LRP1B: variants seen among roughly 807,000 people sequenced by gnomAD.
LRP1B encodes low-density lipoprotein receptor-related protein 1B.
In LRP1B, 217 loss-of-function variants were observed where a neutral mutation model predicts 556.6. The ratio of observed to expected loss-of-function variants is 0.39; its 90% CI spans 0.35 to 0.44. LRP1B has a LOEUF of 0.44. LRP1B is among the 20% of genes least tolerant of loss of function. The pLI is 1.00. For missense variants in LRP1B, 5,053 were observed against 5,620.8 expected (o/e 0.90, Z 3.23); for synonymous variants, 2,047 against 1,865.8 (o/e 1.10, Z -2.50).
chr2:140,938,569 G>A (rs1695299250), intron 20 of LRP1B, among the ~76,000 whole-genome samples: 1 of 151,936 alleles, frequency 6.6e-6, no homozygotes, highest in Admixed American at 6.6e-5. Flanking sequence ...AGAAAGTTAG[G>A]GGAAAAAGGA....
At chr2:141,230,924 C>T (rs766184647) in intron 5 of LRP1B, among the ~76,000 whole-genome samples, 9 of 152,126 alleles carry the variant, frequency 5.9e-5, no homozygotes, top group Non-Finnish European at 1.2e-4. Context: ...TGATTATTTA[C>T]TTCTATCTCT....
intron 2 of LRP1B, among the ~76,000 whole-genome samples, chr2:141,510,217 CACACACACACACACA>C (rs1684073951): frequency 6.6e-6 from 1 of 150,710 alleles, no homozygotes; most frequent in African/African-American, 2.4e-5. Flanking sequence ...CACACACACA[CACACACACACACACA>C]CACCCCCCAC....
In LRP1B at chr2:142,049,131, G is replaced by T. The variant is rs375508485; in HGVS notation, c.82+81517C>A. On this transcript the variant is annotated intron_variant, in intron 1 of 90. Transcript: ENST00000389484. ...AAAGAAAGTTGATTACTAAAAAAAG[G>T]CCCCTTTTTTTCTAACAAAAAGTGT... 8.6e-5 allele frequency among the ~76,000 whole-genome samples: 13 copies of T among 152,000 alleles called. No homozygotes were observed. The South Asian group carries it at 2.5e-3, about 29-fold the overall frequency.
chr2:141,790,630 A>G lies in LRP1B; in HGVS notation c.205+19649T>C, dbSNP rs538115094. Reference sequence around the variant, plus strand: ...TGGAAGTTGAGTCTCCAGCAGCACCATCCTACATTCTCCCTCATTAACTGC... The same window carrying G: ...TGGAAGTTGAGTCTCCAGCAGCACCGTCCTACATTCTCCCTCATTAACTGC... On this transcript the variant is annotated intron_variant, in intron 2 of 90. Coordinates refer to ENST00000389484, the MANE Select transcript of LRP1B (RefSeq NM_018557.3). 7.2e-5 allele frequency among the ~76,000 whole-genome samples: 11 copies of G among 151,922 alleles called. No individual in the cohort carries two copies. The South Asian group carries it at 2.1e-3, about 29-fold the overall frequency.
chr2:141,513,456 A>G (rs1401840552), intron 2 of LRP1B, among the ~76,000 whole-genome samples: 2 of 152,114 alleles, frequency 1.3e-5, no homozygotes, highest in Non-Finnish European at 2.9e-5. Flanking sequence ...TAAGATTTAT[A>G]TTCATAGTAA....
At chr2:140,959,831 C>A (rs1695980725) in intron 18 of LRP1B, among the ~76,000 whole-genome samples, 9 of 151,494 alleles carry the variant, frequency 5.9e-5, no homozygotes. Flanking sequence ...ACAGAAATTT[C>A]AAAAATGCAT....
intron 3 of LRP1B, among the ~76,000 whole-genome samples, chr2:141,418,541 G>A (rs114186327): frequency 0.054 from 8,154 of 151,344 alleles, 290 homozygotes; most frequent in South Asian, 0.14. Flanking sequence ...GATCATTTGA[G>A]TATGTGTGGG....
Position 140,534,010 on chromosome 2 carries a change from C to T in LRP1B, c.7762+11G>A, listed in dbSNP as rs2104994186. 3.1e-6 allele frequency: 5 copies of T among 1,612,372 alleles called. No homozygotes were observed. Among genetic ancestry groups the T allele is most frequent in the Non-Finnish European group, 4.2e-6 (5 of 1,179,252 alleles). On this transcript the variant is annotated intron_variant, in intron 47 of 90. Coordinates refer to ENST00000389484, the MANE Select transcript of LRP1B (RefSeq NM_018557.3). ...CACCAATATTCTGAGATTGATGGAA[C>T]AAGTATTTACCTTTACAATCTAATT...
chr2:141,080,847 G>A (rs1028116092), intron 7 of LRP1B, among the ~76,000 whole-genome samples: 1 of 152,142 alleles, frequency 6.6e-6, no homozygotes, highest in African/African-American at 2.4e-5. Flanking sequence ...TTAAACTGCA[G>A]ACCATTGTTA....
chr2:141,129,506 A>G (rs1288221404), intron 7 of LRP1B, among the ~76,000 whole-genome samples: 1 of 151,636 alleles, frequency 6.6e-6, no homozygotes, highest in African/African-American at 2.4e-5. Context: ...TTATACTGCA[A>G]GCATTCATAT....
chr2:142,119,322 G>T (rs956762833), intron 1 of LRP1B, among the ~76,000 whole-genome samples: 4 of 152,144 alleles, frequency 2.6e-5, no homozygotes, highest in Admixed American at 6.6e-5. Context: ...CCACAATGCT[G>T]CAGGTCCAGC....
intron 3 of LRP1B, among the ~76,000 whole-genome samples, chr2:141,265,996 T>C (rs1222538400): frequency 1.3e-5 from 2 of 152,134 alleles, no homozygotes; most frequent in Non-Finnish European, 2.9e-5. Context: ...TGAGTGGAAG[T>C]GATATGCATA....
At chr2:141,912,963 T>TAAGCAA (rs1341119125) in intron 1 of LRP1B, among the ~76,000 whole-genome samples, 1 of 152,174 alleles carries the variant, frequency 6.6e-6, no homozygotes, top group Non-Finnish European at 1.5e-5. Context: ...TCCTGTGTCA[T>TAAGCAA]GGAGAACTTG....
chr2:140,776,609 C>T (rs1365251381), intron 32 of LRP1B, among the ~76,000 whole-genome samples: 3 of 151,716 alleles, frequency 2.0e-5, no homozygotes, highest in South Asian at 2.1e-4. Context: ...TAGTTTTGTA[C>T]GATACGTATT....
chr2:140,689,787 G>C (rs1012988303), intron 41 of LRP1B, among the ~76,000 whole-genome samples: 1 of 152,058 alleles, frequency 6.6e-6, no homozygotes, highest in Admixed American at 6.5e-5. Context: ...CAGGTTTCTA[G>C]TAAAGTTCAA....
At chr2:142,007,426 T>C (rs1372842817) in intron 1 of LRP1B, among the ~76,000 whole-genome samples, 7 of 152,172 alleles carry the variant, frequency 4.6e-5, no homozygotes, top group Non-Finnish European at 7.4e-5. Context: ...TGAGCATTTG[T>C]ATAGGTATAC....
At chr2:142,054,778 A>G (rs1442898713) in intron 1 of LRP1B, among the ~76,000 whole-genome samples, 1 of 152,154 alleles carries the variant, frequency 6.6e-6, no homozygotes. Context: ...CTGAATTAGT[A>G]TGCAGCCCCT....
chr2:140,652,006 T>G (rs894169199), intron 41 of LRP1B, among the ~76,000 whole-genome samples: 42 of 152,042 alleles, frequency 2.8e-4, no homozygotes, highest in African/African-American at 9.7e-4. Context: ...ATTAGAAAAT[T>G]GCCTGATATT....
Position 140,278,168 on chromosome 2 carries a change from G to C in LRP1B, c.12968-3570C>G, listed in dbSNP as rs537357794. ...TTATATAAGGTTCAAAAGTTAAGTT[G>C]AATCTATGGTTTTAGAAGTCAAGAA... is the stretch of plus-strand genomic sequence containing the variant. On this transcript the variant is annotated intron_variant, in intron 84 of 90. Coordinates refer to ENST00000389484, the MANE Select transcript of LRP1B (RefSeq NM_018557.3). Among the ~76,000 whole-genome samples, 12 of 151,988 alleles carry C rather than the reference G, an allele frequency of 7.9e-5. No individual in the cohort carries two copies. In the South Asian group the frequency reaches 2.5e-3, roughly 32 times the overall value.
Sources: allele counts gnomAD v4.1 joint callset (sites outside exome capture counted in the v4.1 genomes callset), GRCh38; gene constraint gnomAD v4.1.1; transcripts MANE v1.5; gene names NCBI Gene and HGNC (gene_info 2026-07-23, HGNC 2026-07-21).